XCR1: variants seen among roughly 807,000 people sequenced by gnomAD.
XCR1 encodes X-C motif chemokine receptor 1.
For missense variants in XCR1, 356 were observed against 424.2 expected (o/e 0.84, Z 1.41); for synonymous variants, 187 against 188.5 (o/e 0.99, Z 0.06).
chr3:46,021,594 G>C lies in XCR1; in HGVS notation c.354C>G (p.Phe118Leu). ...IFSISLYSSIFFLTIMTIHRY... is the reference protein window; with the variant it reads ...IFSISLYSSILFLTIMTIHRY... ...GGTGGATGGTCATGATGGTCAGGAA[G>C]AAGATGCTGCTGTAGAGGCTGATGG... Residue 118 changes from phenylalanine to leucine, a missense_variant, in exon 2 of 2, where the codon TTC (phenylalanine) becomes TTG (leucine). Coordinates refer to ENST00000309285, the MANE Select transcript of XCR1 (RefSeq NM_001024644.2). The surrounding 1 kb of genome is among the most constrained non-coding windows in gnomAD (Gnocchi z 4.7). 1.9e-6 allele frequency: 3 copies of C among 1,612,632 alleles called. No individual in the cohort carries two copies. Among genetic ancestry groups the C allele is most frequent in the Non-Finnish European group, 1.7e-6 (2 of 1,179,254 alleles).
intron 4 of XCR1, among the ~76,000 whole-genome samples, chr3:46,064,229 C>G (rs1052890333): frequency 6.6e-6 from 1 of 152,156 alleles, no homozygotes; most frequent in African/African-American, 2.4e-5. Flanking sequence ...GAACACATAT[C>G]ATGTGCCAGG....
intron 5 of XCR1, among the ~76,000 whole-genome samples, chr3:46,047,705 A>G (rs559343649): frequency 7.2e-5 from 11 of 152,342 alleles, no homozygotes; most frequent in African/African-American, 2.4e-4. Flanking sequence ...AGCCTGCTCC[A>G]TGCCAAGCAA....
chr3:46,029,290 A>C (rs1340394483), upstream of XCR1, among the ~76,000 whole-genome samples: 1 of 152,040 alleles, frequency 6.6e-6, no homozygotes, highest in Non-Finnish European at 1.5e-5. Context: ...TGCAGCTTCA[A>C]TCTCCCAGGC....
intron 1 of XCR1, chr3:46,023,960 A>G: frequency 6.8e-7 from 1 of 1,461,798 alleles, no homozygotes; most frequent in African/African-American, 1.4e-5. Flanking sequence ...GATTTTGTAG[A>G]AACGTCAGAA....
At chr3:46,042,571 T>A (rs1697555121) in intron 5 of XCR1, among the ~76,000 whole-genome samples, 1 of 152,176 alleles carries the variant, frequency 6.6e-6, no homozygotes, top group Non-Finnish European at 1.5e-5. Context: ...ATTGGGTAAC[T>A]GATAAAATGG....
chr3:46,023,511 A>G (rs1708212427), intron 1 of XCR1: 11 of 1,569,338 alleles, frequency 7.0e-6, no homozygotes, highest in South Asian at 6.8e-5. Flanking sequence ...TCCTCATCCA[A>G]GAGAGATGGA....
chr3:46,070,348 T>C (rs547517399), intron 3 of XCR1, among the ~76,000 whole-genome samples: 1 of 152,220 alleles, frequency 6.6e-6, no homozygotes, highest in South Asian at 2.1e-4. Context: ...TAATTTTCTG[T>C]CTCAATGATC....
intron 5 of XCR1, among the ~76,000 whole-genome samples, chr3:46,035,239 C>T (rs144457754): frequency 3.2e-4 from 49 of 152,264 alleles, no homozygotes; most frequent in Middle Eastern, 3.4e-3. Context: ...AGGCGTGAGC[C>T]ACCATGCCTG....
At chr3:46,035,689 T>G (rs192555748) in intron 5 of XCR1, among the ~76,000 whole-genome samples, 1 of 152,354 alleles carries the variant, frequency 6.6e-6, no homozygotes, top group Admixed American at 6.5e-5. Context: ...TCCCGATAGG[T>G]GAGTGTCCTT....
intron 1 of XCR1, chr3:46,023,269 C>G: frequency 1.4e-6 from 1 of 696,990 alleles, no homozygotes; most frequent in Non-Finnish European, 2.5e-6. Flanking sequence ...GGCCCCACCG[C>G]TCCCCTTCCT....
intron 5 of XCR1, among the ~76,000 whole-genome samples, chr3:46,047,270 TAGA>T (rs1233884076): frequency 1.3e-5 from 2 of 152,144 alleles, no homozygotes. Context: ...TAAGCTAAGT[TAGA>T]AGAAGTTTCA....
chr3:46,061,868 G>A (rs1406677945), intron 4 of XCR1, among the ~76,000 whole-genome samples: 1 of 152,162 alleles, frequency 6.6e-6, no homozygotes, highest in Non-Finnish European at 1.5e-5. Context: ...TGGAATGGGG[G>A]CTTGAATTCA....
intron 3 of XCR1, among the ~76,000 whole-genome samples, chr3:46,069,476 G>C (rs1559494023): frequency 6.6e-6 from 1 of 152,102 alleles, no homozygotes; most frequent in Admixed American, 6.6e-5. Context: ...CCTTGTACGG[G>C]GGGGTTAGAC....
chr3:46,059,450 T>C (rs970463496), intron 4 of XCR1, among the ~76,000 whole-genome samples: 3 of 152,142 alleles, frequency 2.0e-5, no homozygotes, highest in African/African-American at 7.2e-5. Flanking sequence ...ACTTAAACTC[T>C]CAATCACATT....
rs2125892927 is a variant in XCR1 at position 46,021,819 on chromosome 3, G to A, written c.129C>T (p.Leu43=). 1 of 1,614,130 alleles carries A rather than the reference G, an allele frequency of 6.2e-7. No homozygotes were observed. The highest frequency in any genetic ancestry group is 1.1e-5 in the South Asian group (1 of 91,080). The change falls in exon 2 of 2, where the codon CTC becomes CTT. Residue 43 remains leucine (L), a synonymous_variant. Transcript: ENST00000309285. The surrounding 1 kb of genome is among the most constrained non-coding windows in gnomAD (Gnocchi z 4.7). ...ATTVLYCLVF[L]LSLVGNSLVL... ...CCAGGCTGTTGCCCACTAGGCTGAG[G>A]AGAAACACCAGGCAGTATAGGACAG...
upstream of XCR1, among the ~76,000 whole-genome samples, chr3:46,028,097 C>A (rs1377287149): frequency 6.6e-6 from 1 of 152,116 alleles, no homozygotes; most frequent in African/African-American, 2.4e-5. Flanking sequence ...AGCTAGCAAC[C>A]CTCTTTTGGG....
intron 4 of XCR1, among the ~76,000 whole-genome samples, chr3:46,055,824 G>A (rs1164685665): frequency 6.6e-6 from 1 of 152,200 alleles, no homozygotes; most frequent in Non-Finnish European, 1.5e-5. Context: ...CCACCACTCT[G>A]CCAAGCATCA....
chr3:46,040,989 G>A (rs13063033), intron 5 of XCR1, among the ~76,000 whole-genome samples: 13,839 of 152,044 alleles, frequency 0.091, 1,015 homozygotes, highest in South Asian at 0.34. Context: ...AAATATTGCC[G>A]ATTCTTTTTT....
chr3:46,021,289 C>T lies in XCR1; in HGVS notation c.659G>A (p.Arg220His). The T allele has an allele frequency of 3.1e-6, 5 of 1,614,122 alleles. No individual in the cohort carries two copies. The highest frequency in any genetic ancestry group is 2.2e-5 in the East Asian group (1 of 44,874). Residue 220 changes from arginine to histidine, a missense_variant, in exon 2 of 2, where the codon CGC (arginine) becomes CAC (histidine). Coordinates refer to ENST00000309285, the MANE Select transcript of XCR1 (RefSeq NM_001024644.2). The surrounding 1 kb of genome is among the most constrained non-coding windows in gnomAD (Gnocchi z 4.7). ...RTLFRSRSKRRHRTVKLIFAI... is the reference protein window; with the variant it reads ...RTLFRSRSKRHHRTVKLIFAI... ...GAAGATGAGCTTGACCGTGCGGTGG[C>T]GCCGCTTGGAGCGTGAGCGGAACAG...
Sources: allele counts gnomAD v4.1 joint callset (sites outside exome capture counted in the v4.1 genomes callset), GRCh38; gene constraint gnomAD v4.1.1; non-coding constraint Gnocchi (gnomAD v3.1); transcripts MANE v1.5; gene names NCBI Gene and HGNC (gene_info 2026-07-23, HGNC 2026-07-21).